Variants in CHCHD3 observed in about 807,000 individuals in gnomAD.
CHCHD3 encodes MICOS complex subunit MIC19.
A neutral mutation model predicts 38.2 loss-of-function variants in CHCHD3; 20 were observed. That is an observed-to-expected ratio of 0.52 (90% CI 0.37 to 0.76). CHCHD3 has a LOEUF of 0.76. Among genes scored for constraint, CHCHD3 ranks in the 30% least tolerant of loss-of-function variants. The pLI, the probability that CHCHD3 is intolerant of heterozygous loss-of-function variation, is 0.00. For missense variants in CHCHD3, 245 were observed against 279.2 expected (o/e 0.88, Z 0.87); for synonymous variants, 82 against 100.0 (o/e 0.82, Z 1.07).
At chr7:132,912,830 C>T (rs891585627) in intron 4 of CHCHD3, among the ~76,000 whole-genome samples, 40 of 152,222 alleles carry the variant, frequency 2.6e-4, no homozygotes, top group African/African-American at 9.2e-4. Flanking sequence ...GCTGGGATTA[C>T]AGGCATGAGC....
At chr7:132,865,567 T>C (rs1808598475) in intron 5 of CHCHD3, among the ~76,000 whole-genome samples, 1 of 152,180 alleles carries the variant, frequency 6.6e-6, no homozygotes, top group Admixed American at 6.5e-5. Context: ...GTTACTATTT[T>C]GAGATCGTCA....
intron 4 of CHCHD3, among the ~76,000 whole-genome samples, chr7:132,958,659 T>A (rs1381368668): frequency 6.6e-6 from 1 of 152,226 alleles, no homozygotes; most frequent in Non-Finnish European, 1.5e-5. Context: ...GATGTATTAA[T>A]ATAGTCCATC....
At chr7:133,003,961 AT>A (rs35444691) in intron 3 of CHCHD3, among the ~76,000 whole-genome samples, 117 of 147,486 alleles carry the variant, frequency 7.9e-4, no homozygotes, top group Admixed American at 7.4e-4. Context: ...TATCTTAAAG[AT>A]TTTTTTTTTT....
chr7:132,980,116 G>A (rs542528149), intron 3 of CHCHD3, among the ~76,000 whole-genome samples: 16 of 152,158 alleles, frequency 1.1e-4, no homozygotes, highest in Non-Finnish European at 2.1e-4. Flanking sequence ...AACCAAATAA[G>A]ACAGCCCTGC....
chr7:133,063,263 T>C (rs1814571662), intron 2 of CHCHD3, among the ~76,000 whole-genome samples: 3 of 152,162 alleles, frequency 2.0e-5, no homozygotes, highest in African/African-American at 7.2e-5. Flanking sequence ...GACTGAAGCG[T>C]GAGTCAAGGA....
intron 2 of CHCHD3, among the ~76,000 whole-genome samples, chr7:133,061,976 T>C (rs994938950): frequency 6.6e-6 from 1 of 152,168 alleles, no homozygotes; most frequent in African/African-American, 2.4e-5. Flanking sequence ...GCACTTACTG[T>C]TCCCTGGTAG....
Position 132,831,425 on chromosome 7 carries a change from G to A in CHCHD3, c.524+6974C>T, listed in dbSNP as rs77229434. On this transcript the variant is annotated intron_variant, in intron 6 of 7. Coordinates refer to ENST00000262570, the MANE Select transcript of CHCHD3 (RefSeq NM_017812.4). The stretch of plus-strand genomic sequence containing the variant: ...CACACAGCACTAAAGTAGGTTATAA[G>A]TAGACATCAATACGTGTTAGAGAAG... 1.8e-4 allele frequency among the ~76,000 whole-genome samples: 28 copies of A among 152,290 alleles called. No homozygotes were observed. The East Asian group carries it at 4.4e-3, about 24-fold the overall frequency.
chr7:132,867,487 C>T (rs1368079515), intron 5 of CHCHD3, among the ~76,000 whole-genome samples: 1 of 152,140 alleles, frequency 6.6e-6, no homozygotes, highest in Non-Finnish European at 1.5e-5. Context: ...GCAAAACTTA[C>T]AGAACTTACA....
chr7:132,833,112 A>T (rs1807690257), intron 6 of CHCHD3, among the ~76,000 whole-genome samples: 1 of 152,234 alleles, frequency 6.6e-6, no homozygotes, highest in Non-Finnish European at 1.5e-5. Flanking sequence ...TACTTTGTTT[A>T]ATTAATTACC....
In CHCHD3 at chr7:133,035,872, T is replaced by C. The variant is rs1489294799; in HGVS notation, c.170-11245A>G. The C allele has an allele frequency of 2.5e-6, 4 of 1,612,812 alleles. No individual in the cohort carries two copies. The highest frequency in any genetic ancestry group is 3.3e-5 in the Admixed American group (2 of 59,992). ...CTGTACTGAGCAGCGATGAGAGCCT[T>C]GAAGGCCCTCCAGTTTTCAGGATAC... On this transcript the variant is annotated intron_variant, in intron 2 of 7. Coordinates refer to ENST00000262570, the MANE Select transcript of CHCHD3 (RefSeq NM_017812.4). The surrounding 1 kb of genome is among the most constrained non-coding windows in gnomAD (Gnocchi z 4.7).
At chr7:132,817,362 G>T (rs1300676256) in intron 6 of CHCHD3, among the ~76,000 whole-genome samples, 1 of 152,046 alleles carries the variant, frequency 6.6e-6, no homozygotes, top group East Asian at 1.9e-4. Context: ...ATTTCAAAGG[G>T]AAGGAAAGTT....
At chr7:132,966,945 T>A (rs1417947959) in intron 4 of CHCHD3, among the ~76,000 whole-genome samples, 1 of 152,198 alleles carries the variant, frequency 6.6e-6, no homozygotes, top group African/African-American at 2.4e-5. Context: ...GAAGTAAATA[T>A]GTTCACAATG....
At chr7:132,928,372 A>G (rs2117250060) in intron 4 of CHCHD3, among the ~76,000 whole-genome samples, 1 of 152,214 alleles carries the variant, frequency 6.6e-6, no homozygotes, top group Middle Eastern at 3.4e-3. Context: ...CTGACTGTGT[A>G]CCCCTTGGGC....
chr7:132,979,749 T>C (rs1011040034), intron 3 of CHCHD3, among the ~76,000 whole-genome samples: 3 of 152,214 alleles, frequency 2.0e-5, no homozygotes, highest in African/African-American at 7.2e-5. Flanking sequence ...GTATACTGAC[T>C]GAGGTTCAGT....
chr7:133,063,490 C>T (rs571418733), intron 2 of CHCHD3, among the ~76,000 whole-genome samples: 1 of 152,200 alleles, frequency 6.6e-6, no homozygotes, highest in Non-Finnish European at 1.5e-5. Context: ...TGCTGTCTCA[C>T]GCATTTGAGG....
intron 4 of CHCHD3, among the ~76,000 whole-genome samples, chr7:132,893,280 G>T (rs1008314567): frequency 2.0e-5 from 3 of 152,204 alleles, no homozygotes; most frequent in South Asian, 4.1e-4. Flanking sequence ...CTTCATGACT[G>T]CCCTGCTGGA....
intron 4 of CHCHD3, among the ~76,000 whole-genome samples, chr7:132,926,994 T>G (rs1441464033): frequency 6.6e-6 from 1 of 152,242 alleles, no homozygotes; most frequent in Non-Finnish European, 1.5e-5. Flanking sequence ...GATGTCTTTT[T>G]ATAAGCAGCT....
chr7:132,922,234 C>T (rs1028122402), intron 4 of CHCHD3, among the ~76,000 whole-genome samples: 3 of 152,056 alleles, frequency 2.0e-5, no homozygotes, highest in African/African-American at 4.8e-5. Flanking sequence ...AGACAAAGGG[C>T]GGGTACAGCA....
intron 2 of CHCHD3, chr7:133,034,646 A>G (rs1290923620): frequency 4.3e-6 from 7 of 1,612,002 alleles, no homozygotes; most frequent in Non-Finnish European, 5.9e-6. Flanking sequence ...CTTTGCCCAC[A>G]TGCTGGAAGG....
Sources: gnomAD v4.1 joint callset for allele counts (sites outside exome capture counted in the v4.1 genomes callset) on GRCh38, gnomAD v4.1.1 for gene constraint, Gnocchi (gnomAD v3.1) non-coding constraint, MANE v1.5 for transcripts, NCBI Gene and HGNC (gene_info 2026-07-23, HGNC 2026-07-21) for gene names.